Variants in MMP12 observed in about 807,000 individuals in gnomAD.
MMP12 encodes matrix metallopeptidase 12.
In MMP12, 51 loss-of-function variants were observed where a neutral mutation model predicts 45.2. The observed-to-expected ratio is 1.13, with a 90% CI of 0.90 to 1.42. The LOEUF is 1.42. Ranked by LOEUF, MMP12 falls within the 40% of genes most tolerant of loss-of-function variation. The probability of loss-of-function intolerance (pLI) is 0.00; values close to 1 mark genes in which losing one functional copy is unlikely to be tolerated. For missense variants in MMP12, 530 were observed against 570.8 expected (o/e 0.93, Z 0.73); for synonymous variants, 210 against 193.3 (o/e 1.09, Z -0.72).
chr11:102,874,903 G>GTGGC lies in MMP12; in HGVS notation c.31_34dup (p.Thr12SerfsTer19). The GTGGC allele has an allele frequency of 6.2e-7, 1 of 1,604,970 alleles. No individual in the cohort carries two copies. The highest frequency in any genetic ancestry group is 2.2e-5 in the East Asian group (1 of 44,684). On this transcript the variant is annotated frameshift_variant, in exon 1 of 10. Coordinates refer to ENST00000571244, the MANE Select transcript of MMP12 (RefSeq NM_002426.6). LOFTEE classifies it high-confidence loss of function. ...GTTCAGGGGAAGAGCTCCAGAAGCA[G>GTGGC]TGGCCTGCAGGAGCAGTATTAGAAG...
chr11:102,874,923 T>C lies in MMP12; in HGVS notation c.15A>G (p.Leu5=). Residue 5 remains leucine (L), a synonymous_variant, in exon 1 of 10, where the codon CTA becomes CTG. Coordinates refer to ENST00000571244, the MANE Select transcript of MMP12 (RefSeq NM_002426.6). The stretch of plus-strand genomic sequence containing the variant: ...AAGCAGTGGCCTGCAGGAGCAGTAT[T>C]AGAAGAAACTTCATTGTAAACTTCT... MKFL[L]ILLLQATASG... is the part of the protein sequence containing the mutation. 6.3e-7 allele frequency: 1 copy of C among 1,595,480 alleles called. No individual in the cohort carries two copies. Among genetic ancestry groups the C allele is most frequent in the Middle Eastern group, 1.7e-4 (1 of 6,042 alleles).
intron 2 of MMP12, 22 bp from the exon 3 acceptor site, chr11:102,871,974 G>A (rs1555009451): frequency 1.9e-6 from 3 of 1,585,258 alleles, no homozygotes; most frequent in Admixed American, 1.8e-5. Flanking sequence ...AAAAGAGAGA[G>A]AAAAATGTAT....
Position 102,865,909 on chromosome 11 carries a change from A to T in MMP12, c.1072T>A (p.Leu358Ile). 6.2e-7 allele frequency: 1 copy of T among 1,612,590 alleles called. No homozygotes were observed. Among genetic ancestry groups the T allele is most frequent in the African/African-American group, 1.3e-5 (1 of 75,008 alleles). The change falls in exon 8 of 10, where the codon TTA becomes ATA. Residue 358 changes from leucine (L) to isoleucine (I), a missense_variant. Leu to Ile is a conservative substitution (Grantham distance 5). Coordinates refer to ENST00000571244, the MANE Select transcript of MMP12 (RefSeq NM_002426.6). The surrounding 1 kb of genome is among the most constrained non-coding windows in gnomAD (Gnocchi z 4.1). ...TTGGGATAATTTGGCTCTGGTCTTA[A>T]ATTGCTAATTAACCAGTATTTGTCA... ...KDDKYWLISNLRPEPNYPKSI... is the reference protein window; with the variant it reads ...KDDKYWLISNIRPEPNYPKSI...
Position 102,864,000 on chromosome 11 carries a change from G to C in MMP12, c.1312+146C>G, listed in dbSNP as rs28381694. On this transcript the variant is annotated intron_variant, in intron 9 of 9. Transcript: ENST00000571244. ...TTCTAACTCTCCTATTCAGAGCCAC[G>C]TACAGTGTGAGTTTTTCCTTGCGGC... 3.4e-4 allele frequency: 218 copies of C among 649,026 alleles called. No homozygotes were observed. In the African/African-American group the frequency reaches 3.4e-3, roughly 10 times the overall value. 40.2% of individuals were successfully genotyped at this position (649,026 alleles called of 1,614,324 possible).
chr11:102,863,999 C>T (rs150588252), intron 9 of MMP12, 147 bp downstream of exon 9: 35 of 648,002 alleles, frequency 5.4e-5, no homozygotes, highest in Middle Eastern at 4.2e-4. Context: ...TTCAGAGCCA[C>T]GTACAGTGTG....
In MMP12 at chr11:102,866,412, G is replaced by T; in HGVS notation, c.948C>A (p.Thr316=). Residue 316 remains threonine (T), a synonymous_variant, in exon 7 of 10, where the codon ACC becomes ACA. Coordinates refer to ENST00000571244, the MANE Select transcript of MMP12 (RefSeq NM_002426.6). Reference sequence around the variant, plus strand: ...ATAAGGAAGAAATTAAATTAACACTGGTCTTTGGTCTCTCAGAAACCTTCA... The same window carrying T: ...ATAAGGAAGAAATTAAATTAACACTTGTCTTTGGTCTCTCAGAAACCTTCA... ...FWLKVSERPK[T]SVNLISSLWP... 1 of 1,609,928 alleles carries T rather than the reference G, an allele frequency of 6.2e-7. No individual in the cohort carries two copies. The highest frequency in any genetic ancestry group is 8.5e-7 in the Non-Finnish European group (1 of 1,178,128).
chr11:102,873,088 G>A lies in MMP12; in HGVS notation c.127C>T (p.Leu43Phe). The stretch of plus-strand genomic sequence containing the variant: ...GTCACTGGAAGTTTGTTTATCTCAA[G>A]GCCATAAAATTTTTCTAAGTATCTC... ...GERYLEKFYG[L>F]EINKLPVTKM... Residue 43 changes from leucine to phenylalanine, a missense_variant, in exon 2 of 10, where the codon CTT (leucine) becomes TTT (phenylalanine). Leu to Phe is a conservative substitution (Grantham distance 22). Coordinates refer to ENST00000571244, the MANE Select transcript of MMP12 (RefSeq NM_002426.6). 6.2e-7 allele frequency: 1 copy of A among 1,612,304 alleles called. No individual in the cohort carries two copies. The highest frequency in any genetic ancestry group is 1.3e-5 in the African/African-American group (1 of 74,796).
At chr11:102,864,610 A>G (rs188913759) in intron 8 of MMP12, among the ~76,000 whole-genome samples, 2 of 152,340 alleles carry the variant, frequency 1.3e-5, no homozygotes, top group Admixed American at 1.3e-4. Context: ...TGAGACAAAA[A>G]TACCCATTTC....
At chr11:102,872,410 G>A (rs550188932) in intron 2 of MMP12, among the ~76,000 whole-genome samples, 4 of 151,460 alleles carry the variant, frequency 2.6e-5, no homozygotes, top group East Asian at 1.9e-4. Context: ...GCACGATCTC[G>A]GCTCACTGCA....
intron 1 of MMP12, among the ~76,000 whole-genome samples, chr11:102,874,367 G>A (rs1859557006): frequency 6.6e-6 from 1 of 152,042 alleles, no homozygotes; most frequent in South Asian, 2.1e-4. Flanking sequence ...GCAACATAGT[G>A]GAACCCCATC....
At position 102,872,851 on chromosome 11, in the gene MMP12, T is replaced by C. The variant is rs782095387; in HGVS notation, c.350+14A>G. On this transcript the variant is annotated intron_variant, in intron 2 of 9. Coordinates refer to ENST00000571244, the MANE Select transcript of MMP12 (RefSeq NM_002426.6). ...GAAAGTAGAAAAATACAGGGCGACA[T>C]ACACCAACGTTACCTGTAGGTGATA... is the stretch of plus-strand genomic sequence containing the variant. 6.2e-7 allele frequency: 1 copy of C among 1,612,890 alleles called. No individual in the cohort carries two copies. Among genetic ancestry groups the C allele is most frequent in the Non-Finnish European group, 8.5e-7 (1 of 1,179,518 alleles).
chr11:102,873,202 T>C (rs1859534328), intron 1 of MMP12, 90 bp from the exon 2 acceptor site: 3 of 1,153,336 alleles, frequency 2.6e-6, no homozygotes, highest in African/African-American at 1.5e-5. Context: ...TGCACACTGA[T>C]GCTTTTGGAC....
At chr11:102,867,059 A>G (rs1235830833) in intron 6 of MMP12, among the ~76,000 whole-genome samples, 1 of 152,150 alleles carries the variant, frequency 6.6e-6, no homozygotes, top group Non-Finnish European at 1.5e-5. Flanking sequence ...ATCGTTTTTT[A>G]CACACCAGTT....
intron 7 of MMP12, 117 bp downstream of exon 7, chr11:102,866,198 T>C (rs1555008516): frequency 9.2e-7 from 1 of 1,087,764 alleles, no homozygotes; most frequent in Non-Finnish European, 1.3e-6. Context: ...AGCGAGCCAC[T>C]ATTAATAAAA....
Position 102,871,645 on chromosome 11 carries a change from C to G in MMP12, c.574G>C (p.Gly192Arg), listed in dbSNP as rs782120410. Reference protein sequence around the residue: ...AHAFGPGSGIGGDAHFDEDEF... With the variant: ...AHAFGPGSGIRGDAHFDEDEF... Reference sequence around the variant, plus strand: ...TCCTCATCGAAATGTGCATCCCCTCCAATGCCAGATCCAGGTCCAAAAGCA... The same window carrying G: ...TCCTCATCGAAATGTGCATCCCCTCGAATGCCAGATCCAGGTCCAAAAGCA... The change falls in exon 4 of 10, where the codon GGA becomes CGA. Residue 192 changes from glycine to arginine, a missense_variant. Transcript: ENST00000571244. 1.3e-6 allele frequency: 2 copies of G among 1,579,774 alleles called. No homozygotes were observed. The highest frequency in any genetic ancestry group is 1.7e-6 in the Non-Finnish European group (2 of 1,161,422).
Position 102,873,107 on chromosome 11 carries a change from G to T in MMP12, c.108C>A (p.Tyr36Ter). The T allele has an allele frequency of 1.2e-6, 2 of 1,609,994 alleles. No homozygotes were observed. Among genetic ancestry groups the T allele is most frequent in the Admixed American group, 1.7e-5 (1 of 59,346 alleles). ...TCTCAAGGCCATAAAATTTTTCTAA[G>T]TATCTCTGGAAAAAAAAATACATTC... ...EKNNVLFGER[Y>*]LEKFYGLEIN... The change falls in exon 2 of 10, where the codon TAC becomes TAA. Residue 36 changes from tyrosine (Y) to a stop codon, truncating the protein, a stop_gained. Transcript: ENST00000571244. LOFTEE classifies it high-confidence loss of function.
intron 7 of MMP12, 110 bp downstream of exon 7, chr11:102,866,204 TA>T (rs2134418385): frequency 1.8e-6 from 2 of 1,140,918 alleles, no homozygotes; most frequent in East Asian, 2.6e-5. Context: ...CCACTATTAA[TA>T]AAATCAAGAG....
At chr11:102,874,035 A>G (rs879951621) in intron 1 of MMP12, among the ~76,000 whole-genome samples, 29 of 150,392 alleles carry the variant, frequency 1.9e-4, no homozygotes, top group Non-Finnish European at 3.4e-4. Flanking sequence ...TCTCAAAAAA[A>G]AAAAAAAAAA....
rs1859362882 is a variant in MMP12 at position 102,865,164 on chromosome 11, G to A, written c.1205+612C>T. Among the ~76,000 whole-genome samples, 1 of 152,178 alleles carries A rather than the reference G, an allele frequency of 6.6e-6. No homozygotes were observed. Among genetic ancestry groups the A allele is most frequent in the African/African-American group, 2.4e-5 (1 of 41,446 alleles). On this transcript the variant is annotated intron_variant, in intron 8 of 9. Coordinates refer to ENST00000571244, the MANE Select transcript of MMP12 (RefSeq NM_002426.6). The surrounding 1 kb of genome is among the most constrained non-coding windows in gnomAD (Gnocchi z 4.1). ...GAATAAATAACAGTTGTAAATGTAAGCTTAACATATATGTTATGTCTCATG... is the reference window on the plus strand; with the variant it reads ...GAATAAATAACAGTTGTAAATGTAAACTTAACATATATGTTATGTCTCATG...
Sources: allele counts gnomAD v4.1 joint callset (sites outside exome capture counted in the v4.1 genomes callset), GRCh38; gene constraint gnomAD v4.1.1; non-coding constraint Gnocchi (gnomAD v3.1); transcripts MANE v1.5; gene names NCBI Gene and HGNC (gene_info 2026-07-23, HGNC 2026-07-21).